Variants in TMEM116 observed in about 807,000 individuals in gnomAD.
The protein encoded by TMEM116 is transmembrane protein 116.
In TMEM116, 38 loss-of-function variants were observed where a neutral mutation model predicts 44.3. That is an observed-to-expected ratio of 0.86 (90% CI 0.66 to 1.12). The LOEUF (loss-of-function observed/expected upper bound fraction) is 1.12, where lower values mean the gene tolerates loss of function less well. Among genes scored for constraint, TMEM116 ranks in the 50% most tolerant of loss-of-function variants. The pLI is 0.00. For synonymous variants in TMEM116, 132 were observed against 144.8 expected (o/e 0.91, Z 0.64); for missense variants, 354 against 401.7 (o/e 0.88, Z 1.01).
At chr12:111,981,962 T>C (rs529968141) in intron 4 of TMEM116, among the ~76,000 whole-genome samples, 4 of 152,270 alleles carry the variant, frequency 2.6e-5, no homozygotes, top group Non-Finnish European at 2.9e-5. Context: ...ATTTCACTTA[T>C]GTGTGAAATT....
At chr12:112,007,861 T>TACCAACA (rs2077661830) in intron 1 of TMEM116, among the ~76,000 whole-genome samples, 2 of 152,236 alleles carry the variant, frequency 1.3e-5, no homozygotes, top group Non-Finnish European at 2.9e-5. Context: ...TTTGGGAATT[T>TACCAACA]ACTTTTCAGT....
intron 4 of TMEM116, among the ~76,000 whole-genome samples, chr12:111,983,050 C>A (rs1470180812): frequency 6.6e-6 from 1 of 151,940 alleles, no homozygotes; most frequent in African/African-American, 2.4e-5. Flanking sequence ...TGGGATTACA[C>A]TTTGGGAGGC....
chr12:111,946,318 G>C (rs2073271696), intron 4 of TMEM116, among the ~76,000 whole-genome samples: 1 of 152,214 alleles, frequency 6.6e-6, no homozygotes, highest in Non-Finnish European at 1.5e-5. Context: ...ACAGCCTTCA[G>C]AGCTGAGAGC....
intron 4 of TMEM116, 120 bp downstream of exon 4, chr12:111,991,638 G>A (rs755093013): frequency 9.1e-6 from 9 of 987,354 alleles, no homozygotes; most frequent in African/African-American, 4.9e-5. Context: ...AAAAGCTATT[G>A]TTTCAAAATG....
intron 5 of TMEM116, among the ~76,000 whole-genome samples, chr12:111,939,104 T>C (rs1327624709): frequency 6.6e-6 from 1 of 152,170 alleles, no homozygotes; most frequent in Non-Finnish European, 1.5e-5. Context: ...CTCTGTCAGG[T>C]GGTTATCCAG....
chr12:111,979,927 C>T (rs2136521428), intron 4 of TMEM116, among the ~76,000 whole-genome samples: 1 of 152,196 alleles, frequency 6.6e-6, no homozygotes, highest in Non-Finnish European at 1.5e-5. Context: ...AACACTGAAA[C>T]CAAGTGCTGT....
intron 4 of TMEM116, among the ~76,000 whole-genome samples, chr12:111,977,567 T>A (rs1318400755): frequency 6.6e-6 from 1 of 152,118 alleles, no homozygotes; most frequent in Non-Finnish European, 1.5e-5. Context: ...AAAGAAGTTC[T>A]TCAGAAAGAA....
Position 111,935,974 on chromosome 12 carries a change from T to G in TMEM116, c.588+718A>C, listed in dbSNP as rs1209840543. On this transcript the variant is annotated intron_variant, in intron 8 of 10. Transcript: ENST00000552374. ...CCATCTCTATAACTTATGTTTGAAT[T>G]GCCAAAGGAAATTCCCCATAACTGT... 5 of 152,288 alleles carry G rather than the reference T, an allele frequency of 3.3e-5. No individual in the cohort carries two copies. The East Asian group carries it at 7.7e-4, about 24-fold the overall frequency. The allele number at this position is 152,288 out of a possible 1,614,324, so 9.4% of individuals were successfully genotyped here.
intron 4 of TMEM116, among the ~76,000 whole-genome samples, chr12:111,972,076 GAAAAA>G (rs762088997): frequency 3.5e-5 from 2 of 57,540 alleles, no homozygotes; most frequent in East Asian, 4.7e-4. Flanking sequence ...CCCTATCTGT[GAAAAA>G]AAAAAAAAAA....
At chr12:111,997,275 C>A (rs1042045828) in intron 3 of TMEM116, among the ~76,000 whole-genome samples, 1 of 152,138 alleles carries the variant, frequency 6.6e-6, no homozygotes. Context: ...AAGTCCTGGC[C>A]AAGCACTGTG....
At chr12:111,988,756 C>T (rs969576881) in intron 4 of TMEM116, among the ~76,000 whole-genome samples, 3 of 150,906 alleles carry the variant, frequency 2.0e-5, no homozygotes, top group Non-Finnish European at 4.4e-5. Context: ...CTTTGGGAGG[C>T]CGAGGTGGGT....
chr12:111,995,955 A>C (rs534096197), intron 3 of TMEM116, among the ~76,000 whole-genome samples: 9 of 150,550 alleles, frequency 6.0e-5, no homozygotes, highest in African/African-American at 2.2e-4. Context: ...CAGGAGGATC[A>C]CTTGAGCCCA....
At chr12:112,004,919 G>C (rs1164283026) in intron 2 of TMEM116, among the ~76,000 whole-genome samples, 2 of 152,100 alleles carry the variant, frequency 1.3e-5, no homozygotes, top group Non-Finnish European at 2.9e-5. Context: ...CAAAGTGTTG[G>C]GATTACAGGT....
At chr12:112,008,476 C>T (rs1315019085) in intron 1 of TMEM116, among the ~76,000 whole-genome samples, 7 of 149,598 alleles carry the variant, frequency 4.7e-5, no homozygotes, top group Admixed American at 2.0e-4. Context: ...CAAGACTCCA[C>T]CTCAAAAAAA....
At chr12:112,003,004 T>A (rs1319626349) in intron 3 of TMEM116, among the ~76,000 whole-genome samples, 1 of 152,246 alleles carries the variant, frequency 6.6e-6, no homozygotes, top group African/African-American at 2.4e-5. Flanking sequence ...TTTGATCTTT[T>A]TGGTATGAAT....
intron 4 of TMEM116, among the ~76,000 whole-genome samples, chr12:111,947,446 G>C (rs1307043657): frequency 6.6e-6 from 1 of 152,074 alleles, no homozygotes; most frequent in Non-Finnish European, 1.5e-5. Context: ...AAATTATATG[G>C]AAAACATTGT....
At chr12:111,971,534 C>A (rs1447115662) in intron 4 of TMEM116, among the ~76,000 whole-genome samples, 1 of 149,102 alleles carries the variant, frequency 6.7e-6, no homozygotes, top group Non-Finnish European at 1.5e-5. Context: ...AGTTAATAAG[C>A]CAACAAAAAA....
At chr12:111,969,183 G>C (rs1286385262) in intron 4 of TMEM116, among the ~76,000 whole-genome samples, 1 of 151,110 alleles carries the variant, frequency 6.6e-6, no homozygotes, top group Admixed American at 6.6e-5. Context: ...AGCCGGGCAC[G>C]GTGGTGCATG....
At chr12:111,985,258 T>G (rs11066113) in intron 4 of TMEM116, among the ~76,000 whole-genome samples, 14,659 of 149,730 alleles carry the variant, frequency 0.098, 811 homozygotes, top group Middle Eastern at 0.18. Context: ...CGATCTTATA[T>G]GTAGAAAACT....
Sources: allele counts gnomAD v4.1 joint callset (sites outside exome capture counted in the v4.1 genomes callset), GRCh38; gene constraint gnomAD v4.1.1; transcripts MANE v1.5; gene names NCBI Gene and HGNC (gene_info 2026-07-23, HGNC 2026-07-21).